The following ARHGAP24 variants were observed in gnomAD, a reference collection of about 807,000 sequenced individuals.
The protein encoded by ARHGAP24 is rho GTPase-activating protein 24.
In ARHGAP24, 50 loss-of-function variants were observed where a neutral mutation model predicts 76.4. That is an observed-to-expected ratio of 0.65 (90% CI 0.52 to 0.83). ARHGAP24 has a LOEUF of 0.83. Ranked by LOEUF, ARHGAP24 falls within the 40% of genes least tolerant of loss-of-function variation. The probability of loss-of-function intolerance (pLI) is 0.00; values close to 1 mark genes in which losing one functional copy is unlikely to be tolerated. For synonymous variants in ARHGAP24, 345 were observed against 323.3 expected (o/e 1.07, Z -0.72); for missense variants, 930 against 914.2 (o/e 1.02, Z -0.22).
rs147297125 is a variant in ARHGAP24 at position 85,995,460 on chromosome 4, C to T, written c.1806C>T (p.Ser602=). The change falls in exon 9 of 10, where the codon TCC becomes TCT. Residue 602 remains serine, a synonymous_variant. Coordinates refer to ENST00000395184, the MANE Select transcript of ARHGAP24 (RefSeq NM_001025616.3). ...ATGGGCCCCCGCAGGACGACCTTTCCCACCCCAGGGACTATGAAAGCAAAA... is the reference window on the plus strand; with the variant it reads ...ATGGGCCCCCGCAGGACGACCTTTCTCACCCCAGGGACTATGAAAGCAAAA... ...VLDGPPQDDL[S]HPRDYESKSD... 2.5e-6 allele frequency: 4 copies of T among 1,605,638 alleles called. No homozygotes were observed. The highest frequency in any genetic ancestry group is 1.7e-5 in the Admixed American group (1 of 59,634).
At chr4:85,548,406 G>A (rs1012575277) in intron 1 of ARHGAP24, among the ~76,000 whole-genome samples, 4 of 152,142 alleles carry the variant, frequency 2.6e-5, no homozygotes, top group Admixed American at 2.6e-4. Flanking sequence ...CTATATCTAT[G>A]TGCCTATCGA....
chr4:85,512,060 C>G (rs192927350), intron 1 of ARHGAP24, among the ~76,000 whole-genome samples: 1 of 152,306 alleles, frequency 6.6e-6, no homozygotes, highest in East Asian at 1.9e-4. Flanking sequence ...CTATGTTTGC[C>G]ACAAACCTGT....
intron 3 of ARHGAP24, among the ~76,000 whole-genome samples, chr4:85,762,702 C>G (rs1218377141): frequency 1.3e-5 from 2 of 152,126 alleles, no homozygotes; most frequent in Admixed American, 1.3e-4. Flanking sequence ...CGTCTGACTC[C>G]AAACCCCAAG....
intron 2 of ARHGAP24, among the ~76,000 whole-genome samples, chr4:85,629,175 A>G (rs963853925): frequency 3.3e-5 from 5 of 152,176 alleles, no homozygotes; most frequent in African/African-American, 4.8e-5. Flanking sequence ...AGAACCTCTT[A>G]TAGTTATAAC....
chr4:85,762,223 A>G (rs1268618022), intron 3 of ARHGAP24, among the ~76,000 whole-genome samples: 1 of 152,218 alleles, frequency 6.6e-6, no homozygotes, highest in East Asian at 1.9e-4. Context: ...TTACGGAGCA[A>G]CCATCAGTAT....
intron 1 of ARHGAP24, among the ~76,000 whole-genome samples, chr4:85,568,471 T>A (rs1346818513): frequency 6.6e-6 from 1 of 152,158 alleles, no homozygotes; most frequent in African/African-American, 2.4e-5. Flanking sequence ...AAAGATTATT[T>A]AGGGTGGTCT....
chr4:85,560,535 G>A (rs1420575281), intron 1 of ARHGAP24, among the ~76,000 whole-genome samples: 2 of 152,104 alleles, frequency 1.3e-5, no homozygotes, highest in African/African-American at 4.8e-5. Context: ...ATTCTGTGAT[G>A]TTTTGAACAA....
intron 4 of ARHGAP24, among the ~76,000 whole-genome samples, chr4:85,929,797 G>A (rs1736222531): frequency 6.6e-6 from 1 of 152,154 alleles, no homozygotes; most frequent in Non-Finnish European, 1.5e-5. Context: ...GCTCACAAAT[G>A]AATTCAATTA....
chr4:85,912,737 A>C (rs888166362), intron 3 of ARHGAP24, among the ~76,000 whole-genome samples: 2 of 152,200 alleles, frequency 1.3e-5, no homozygotes, highest in African/African-American at 4.8e-5. Flanking sequence ...TAAATATTAA[A>C]ACTTGTTTTA....
At chr4:85,627,833 G>A (rs1231860864) in intron 2 of ARHGAP24, among the ~76,000 whole-genome samples, 3 of 152,206 alleles carry the variant, frequency 2.0e-5, no homozygotes, top group Admixed American at 6.5e-5. Context: ...GGACTGCTGT[G>A]CTAGCAATGA....
At chr4:85,693,103 A>T (rs2110019282) in intron 2 of ARHGAP24, among the ~76,000 whole-genome samples, 2 of 152,336 alleles carry the variant, frequency 1.3e-5, no homozygotes, top group South Asian at 4.1e-4. Context: ...ACTGTGATCC[A>T]GTAGATGGCA....
chr4:85,604,231 A>G (rs1720120673), intron 2 of ARHGAP24: 2 of 152,226 alleles, frequency 1.3e-5, no homozygotes, highest in South Asian at 2.1e-4. Flanking sequence ...TGAAGTGACA[A>G]GTGCCTCCTT....
chr4:85,480,391 A>C (rs1425293572), intron 1 of ARHGAP24, among the ~76,000 whole-genome samples: 1 of 152,000 alleles, frequency 6.6e-6, no homozygotes, highest in Non-Finnish European at 1.5e-5. Context: ...CACCCAAAAA[A>C]CTCTGAACTA....
At chr4:85,976,292 C>T (rs928808703) in intron 7 of ARHGAP24, among the ~76,000 whole-genome samples, 1 of 152,162 alleles carries the variant, frequency 6.6e-6, no homozygotes, top group Admixed American at 6.6e-5. Flanking sequence ...GAAATAGGCA[C>T]CTTTTTTAAA....
chr4:85,853,478 T>C (rs1434482722), intron 3 of ARHGAP24, among the ~76,000 whole-genome samples: 1 of 151,986 alleles, frequency 6.6e-6, no homozygotes, highest in Non-Finnish European at 1.5e-5. Flanking sequence ...CTCTGTGGGG[T>C]GTACCCACTG....
chr4:85,555,875 G>A (rs1028674798), intron 1 of ARHGAP24, among the ~76,000 whole-genome samples: 6 of 152,184 alleles, frequency 3.9e-5, no homozygotes, highest in African/African-American at 1.2e-4. Flanking sequence ...GCTCATGGGG[G>A]GAAACTGACT....
At chr4:85,790,265 C>G (rs1335438482) in intron 3 of ARHGAP24, among the ~76,000 whole-genome samples, 1 of 152,126 alleles carries the variant, frequency 6.6e-6, no homozygotes, top group Non-Finnish European at 1.5e-5. Flanking sequence ...TCTCTTGCAT[C>G]CCATGTAGCA....
At chr4:85,804,008 A>G (rs1334193670) in intron 3 of ARHGAP24, among the ~76,000 whole-genome samples, 1 of 150,024 alleles carries the variant, frequency 6.7e-6, no homozygotes, top group Non-Finnish European at 1.5e-5. Context: ...CTGGAGTGCA[A>G]TGGCACAATC....
intron 8 of ARHGAP24, among the ~76,000 whole-genome samples, chr4:85,980,702 T>G (rs775602215): frequency 5.9e-5 from 9 of 152,246 alleles, no homozygotes; most frequent in South Asian, 4.1e-4. Context: ...TGTATTGATG[T>G]CTTTCCAGCC....
Sources: allele counts gnomAD v4.1 joint callset (sites outside exome capture counted in the v4.1 genomes callset), GRCh38; gene constraint gnomAD v4.1.1; transcripts MANE v1.5; gene names NCBI Gene and HGNC (gene_info 2026-07-23, HGNC 2026-07-21).